Variants in RBFOX3 observed in about 807,000 individuals in gnomAD.
RBFOX3 encodes RNA binding protein fox-1 homolog 3.
A neutral mutation model predicts 48.7 loss-of-function variants in RBFOX3; 17 were observed. That is an observed-to-expected ratio of 0.35 (90% CI 0.24 to 0.52). RBFOX3 has a LOEUF of 0.52. Among genes scored for constraint, RBFOX3 ranks in the 20% least tolerant of loss-of-function variants. The probability of loss-of-function intolerance (pLI) is 0.94; values close to 1 mark genes in which losing one functional copy is unlikely to be tolerated. For missense variants in RBFOX3, 382 were observed against 497.5 expected, an observed-to-expected ratio of 0.77 and a Z score of 2.21; for synonymous variants, 212 against 209.5, an observed-to-expected ratio of 1.01 and a Z score of -0.10.
rs543196725 is a variant in RBFOX3, at chr17:79,322,854, A to C, written c.-174-15030T>G. ...GAGCTCCCCAAGTCCCTTGCCCAGA[A>C]GTTGCCTTCCCAGCTGTCTACACAG... On this transcript the variant is annotated intron_variant, in intron 2 of 14. Coordinates refer to ENST00000693108, the MANE Select transcript of RBFOX3 (RefSeq NM_001350451.2). Among the ~76,000 whole-genome samples, 3 of 152,340 alleles carry C rather than the reference A, an allele frequency of 2.0e-5. No homozygotes were observed. In the South Asian group the frequency reaches 6.2e-4, roughly 32 times the overall value.
chr17:79,217,735 C>T (rs1478694039), intron 4 of RBFOX3, among the ~76,000 whole-genome samples: 3 of 152,032 alleles, frequency 2.0e-5, no homozygotes, highest in African/African-American at 7.2e-5. Context: ...CCTGAAAGCT[C>T]ACCCTGAAGT....
intron 2 of RBFOX3, among the ~76,000 whole-genome samples, chr17:79,365,338 A>G (rs112246581): frequency 2.0e-5 from 3 of 152,366 alleles, no homozygotes; most frequent in Admixed American, 6.5e-5. Flanking sequence ...GTTAAGTAAT[A>G]CAACAAACTC....
At chr17:79,132,844 T>C (rs1267088755) in intron 4 of RBFOX3, 2 of 152,180 alleles carry the variant, frequency 1.3e-5, no homozygotes, top group Non-Finnish European at 2.9e-5. Flanking sequence ...GGGAGGCGCT[T>C]AGGAAAAGCA....
intron 3 of RBFOX3, among the ~76,000 whole-genome samples, chr17:79,288,030 C>A (rs1239339750): frequency 6.6e-6 from 1 of 152,142 alleles, no homozygotes; most frequent in Non-Finnish European, 1.5e-5. Context: ...AGTCTTAAGT[C>A]CCCACGAGGC....
At chr17:79,142,822 G>A (rs896284463) in intron 4 of RBFOX3, among the ~76,000 whole-genome samples, 2 of 152,186 alleles carry the variant, frequency 1.3e-5, no homozygotes, top group African/African-American at 4.8e-5. Flanking sequence ...TGGTTCCCAA[G>A]AGACTTTTCT....
At chr17:79,167,445 G>C (rs1026912219) in intron 4 of RBFOX3, among the ~76,000 whole-genome samples, 8 of 152,286 alleles carry the variant, frequency 5.3e-5, no homozygotes, top group African/African-American at 1.7e-4. Flanking sequence ...CTGATGTCAG[G>C]GCTGTGGGTC....
intron 4 of RBFOX3, among the ~76,000 whole-genome samples, chr17:79,116,799 G>A (rs1424881611): frequency 6.6e-6 from 1 of 152,262 alleles, no homozygotes; most frequent in Non-Finnish European, 1.5e-5. Context: ...ACTCTCAGAG[G>A]CTCTTAGAAG....
chr17:79,324,017 G>C (rs2078947137), intron 2 of RBFOX3, among the ~76,000 whole-genome samples: 1 of 152,184 alleles, frequency 6.6e-6, no homozygotes, highest in Admixed American at 6.5e-5. Context: ...GTGGGAGATG[G>C]GAAGCCCGCT....
intron 4 of RBFOX3, among the ~76,000 whole-genome samples, chr17:79,206,529 T>G (rs936794709): frequency 6.9e-6 from 1 of 144,170 alleles, no homozygotes; most frequent in African/African-American, 2.5e-5. Flanking sequence ...AGTACAGGGG[T>G]GCAAGAAGTG....
chr17:79,474,243 T>A (rs1168038353), intron 2 of RBFOX3, among the ~76,000 whole-genome samples: 1 of 152,224 alleles, frequency 6.6e-6, no homozygotes, highest in African/African-American at 2.4e-5. Context: ...ACGTCCCTGG[T>A]GGCCCTTGAT....
chr17:79,096,620 T>TTCCC (rs1568117480), intron 12 of RBFOX3, 33 bp downstream of exon 12: 1 of 1,502,346 alleles, frequency 6.7e-7, no homozygotes, highest in Non-Finnish European at 9.1e-7. Flanking sequence ...GAACGCCTGA[T>TTCCC]CCCACCCTCC....
At chr17:79,330,348 G>A (rs1025098204) in intron 2 of RBFOX3, among the ~76,000 whole-genome samples, 6 of 152,096 alleles carry the variant, frequency 3.9e-5, no homozygotes, top group Non-Finnish European at 7.4e-5. Flanking sequence ...GGATGGTTCT[G>A]GAATTGCCCT....
chr17:79,600,193 A>G (rs1274460148), intron 1 of RBFOX3: 1 of 152,298 alleles, frequency 6.6e-6, no homozygotes, highest in Non-Finnish European at 1.5e-5. Context: ...TGACACACAC[A>G]TGTGCTCACA....
At chr17:79,304,684 T>C (rs191406088) in intron 3 of RBFOX3, among the ~76,000 whole-genome samples, 2 of 152,276 alleles carry the variant, frequency 1.3e-5, no homozygotes, top group Admixed American at 6.5e-5. Context: ...AAGAAAATTA[T>C]TGATTTTGCT....
chr17:79,314,582 G>C (rs2077280117), intron 2 of RBFOX3, among the ~76,000 whole-genome samples: 1 of 152,136 alleles, frequency 6.6e-6, no homozygotes, highest in African/African-American at 2.4e-5. Context: ...TTTCATGAAT[G>C]AAAGAGTGGA....
chr17:79,215,702 C>G lies in RBFOX3; in HGVS notation c.-34+20064G>C, dbSNP rs376644605. Among the ~76,000 whole-genome samples the G allele has an allele frequency of 1.9e-3, 288 of 152,358 alleles. 1 individual carries two copies. The highest frequency in any genetic ancestry group is 0.014 in the Middle Eastern group (4 of 294). On this transcript the variant is annotated intron_variant, in intron 4 of 14. Coordinates refer to ENST00000693108, the MANE Select transcript of RBFOX3 (RefSeq NM_001350451.2). ...TCCCCAAAGGCTGTGCATGGCTGGA[C>G]GTAGCCCAGCAGGAGCGTATCCCCC...
At chr17:79,297,869 T>C (rs1046882735) in intron 3 of RBFOX3, among the ~76,000 whole-genome samples, 2 of 152,218 alleles carry the variant, frequency 1.3e-5, no homozygotes, top group African/African-American at 4.8e-5. Flanking sequence ...AAAAGCCTAT[T>C]TGTCTGACTA....
intron 2 of RBFOX3, among the ~76,000 whole-genome samples, chr17:79,385,754 G>A (rs566825495): frequency 2.4e-4 from 36 of 152,150 alleles, no homozygotes; most frequent in Non-Finnish European, 4.6e-4. Flanking sequence ...ACAGATGGGG[G>A]CTCCATCACT....
the RBFOX3 span, among the ~76,000 whole-genome samples, chr17:79,642,979 A>G: frequency 6.6e-6 from 1 of 152,184 alleles, no homozygotes; most frequent in African/African-American, 2.4e-5. Context: ...GTGCACTCCT[A>G]TAGTCTCAGC....
Sources: gnomAD v4.1 joint callset for allele counts (sites outside exome capture counted in the v4.1 genomes callset) on GRCh38, gnomAD v4.1.1 for gene constraint, MANE v1.5 for transcripts, NCBI Gene and HGNC (gene_info 2026-07-23, HGNC 2026-07-21) for gene names.